The following PRELID2 variants were observed in gnomAD, a reference collection of about 807,000 sequenced individuals.
PRELID2 encodes PRELI domain-containing protein 2.
In PRELID2, 25 loss-of-function variants were observed where a neutral mutation model predicts 28.4. The ratio of observed to expected loss-of-function variants is 0.88; its 90% confidence interval spans 0.64 to 1.23. The LOEUF (loss-of-function observed/expected upper bound fraction) is 1.23. PRELID2 is among the 50% of genes most tolerant of loss of function. PRELID2 has a pLI of 0.00. For missense variants in PRELID2, 201 were observed against 214.4 expected (o/e 0.94, Z 0.39); for synonymous variants, 76 against 71.6 (o/e 1.06, Z -0.31).
At chr5:145,721,265 T>A (rs865786568) in intron 1 of PRELID2, among the ~76,000 whole-genome samples, 2 of 152,080 alleles carry the variant, frequency 1.3e-5, no homozygotes, top group African/African-American at 4.8e-5. Flanking sequence ...AGTATTATTA[T>A]GAAAATAGTT....
intron 1 of PRELID2, among the ~76,000 whole-genome samples, chr5:145,591,951 C>T (rs954854238): frequency 6.6e-6 from 1 of 152,200 alleles, no homozygotes; most frequent in African/African-American, 2.4e-5. Flanking sequence ...GCTTCATGTA[C>T]ATTCTTCACC....
At chr5:145,556,654 T>A (rs1269791448) in intron 1 of PRELID2, among the ~76,000 whole-genome samples, 1 of 152,180 alleles carries the variant, frequency 6.6e-6, no homozygotes, top group African/African-American at 2.4e-5. Flanking sequence ...GGTTCCCCAT[T>A]GCATTTGGTA....
At chr5:145,747,250 C>T (rs1242322055) in intron 1 of PRELID2, among the ~76,000 whole-genome samples, 1 of 148,472 alleles carries the variant, frequency 6.7e-6, no homozygotes, top group Non-Finnish European at 1.5e-5. Flanking sequence ...ACTCCAGGAG[C>T]TGTTTAAAAA....
chr5:145,728,001 A>T (rs1756223340), intron 1 of PRELID2, among the ~76,000 whole-genome samples: 1 of 152,158 alleles, frequency 6.6e-6, no homozygotes. Flanking sequence ...TGTTCATTTT[A>T]TACTTTCCCT....
chr5:145,728,611 C>A, intron 1 of PRELID2: 2 of 1,042,208 alleles, frequency 1.9e-6, no homozygotes. Flanking sequence ...ACAATGACCA[C>A]TGTAACATTA....
At chr5:145,398,639 T>C in the PRELID2 span, among the ~76,000 whole-genome samples, 6 of 152,114 alleles carry the variant, frequency 3.9e-5, no homozygotes, top group South Asian at 1.3e-3. Flanking sequence ...ACTATGCACT[T>C]GGCCCTTTTC....
intron 1 of PRELID2, among the ~76,000 whole-genome samples, chr5:145,660,856 G>T (rs1754480750): frequency 6.6e-6 from 1 of 152,096 alleles, no homozygotes; most frequent in Non-Finnish European, 1.5e-5. Flanking sequence ...GGAAAAAGCG[G>T]TATTTCTAAA....
the PRELID2 span, among the ~76,000 whole-genome samples, chr5:145,330,546 C>A: frequency 6.6e-6 from 1 of 152,256 alleles, no homozygotes. Context: ...TCAAGATTTT[C>A]TAGTTTATTT....
intron 1 of PRELID2, among the ~76,000 whole-genome samples, chr5:145,558,804 C>T (rs1752902007): frequency 6.6e-6 from 1 of 152,166 alleles, no homozygotes; most frequent in South Asian, 2.1e-4. Context: ...AGCATTCATC[C>T]TCAAACCTTT....
chr5:145,455,169 G>A, the PRELID2 span, among the ~76,000 whole-genome samples: 2 of 151,956 alleles, frequency 1.3e-5, no homozygotes, highest in African/African-American at 4.8e-5. Context: ...TGTAAGGAAG[G>A]GGTCCAGTTT....
intron 1 of PRELID2, among the ~76,000 whole-genome samples, chr5:145,740,696 T>G (rs1269600820): frequency 1.7e-5 from 2 of 118,796 alleles, no homozygotes; most frequent in Non-Finnish European, 3.2e-5. Flanking sequence ...AATATATTAT[T>G]TATATTAAAT....
the PRELID2 span, among the ~76,000 whole-genome samples, chr5:145,397,102 G>A: frequency 2.6e-5 from 4 of 152,036 alleles, no homozygotes; most frequent in Non-Finnish European, 5.9e-5. Flanking sequence ...AGACAAATGA[G>A]TCAGACCCCT....
the PRELID2 span, among the ~76,000 whole-genome samples, chr5:145,438,126 C>G: frequency 5.3e-5 from 8 of 152,038 alleles, no homozygotes; most frequent in Admixed American, 3.3e-4. Flanking sequence ...AAATGTGGTT[C>G]ACAAATTGAT....
At chr5:145,816,391 CCTT>C (rs1754311109) in intron 4 of PRELID2, among the ~76,000 whole-genome samples, 1 of 151,944 alleles carries the variant, frequency 6.6e-6, no homozygotes, top group Non-Finnish European at 1.5e-5. Context: ...CTGTTTTTCA[CCTT>C]CTTGACAGTG....
chr5:145,331,191 C>A, the PRELID2 span, among the ~76,000 whole-genome samples: 5 of 151,826 alleles, frequency 3.3e-5, no homozygotes, highest in African/African-American at 1.2e-4. Flanking sequence ...GTTTTACTTC[C>A]AATTATATGG....
At chr5:145,685,623 C>T (rs1483447253) in intron 1 of PRELID2, among the ~76,000 whole-genome samples, 2 of 152,062 alleles carry the variant, frequency 1.3e-5, no homozygotes, top group South Asian at 4.1e-4. Flanking sequence ...TGCTATAAAA[C>T]ATTGTCTATG....
the PRELID2 span, among the ~76,000 whole-genome samples, chr5:145,418,468 T>C: frequency 1.3e-5 from 2 of 152,122 alleles, no homozygotes; most frequent in East Asian, 3.9e-4. Context: ...GGAGGCATCA[T>C]GTTAACCAAC....
intron 5 of PRELID2, among the ~76,000 whole-genome samples, chr5:145,787,370 G>T (rs1752064056): frequency 6.6e-6 from 1 of 152,092 alleles, no homozygotes; most frequent in Non-Finnish European, 1.5e-5. Context: ...ACGTTCTTTT[G>T]CTTTGCGTTT....
chr5:145,620,592 T>C (rs1472273350), intron 1 of PRELID2, among the ~76,000 whole-genome samples: 1 of 152,136 alleles, frequency 6.6e-6, no homozygotes, highest in Non-Finnish European at 1.5e-5. Flanking sequence ...AAAGTCCAGG[T>C]GTAGTGAGTG....
Sources: gnomAD v4.1 joint callset for allele counts (sites outside exome capture counted in the v4.1 genomes callset) on GRCh38, gnomAD v4.1.1 for gene constraint, MANE v1.5 for transcripts, NCBI Gene and HGNC (gene_info 2026-07-23, HGNC 2026-07-21) for gene names.